The following PPP2R3A variants were observed in gnomAD, a reference collection of about 807,000 sequenced individuals.
The protein encoded by PPP2R3A is serine/threonine-protein phosphatase 2A regulatory subunit B'' subunit alpha.
In PPP2R3A, 80 loss-of-function variants were observed where a neutral mutation model predicts 106.9. The observed-to-expected ratio is 0.75, with a 90% CI of 0.62 to 0.90. The LOEUF (loss-of-function observed/expected upper bound fraction) is 0.90, where lower values mean the gene tolerates loss of function less well. Among genes scored for constraint, PPP2R3A ranks in the 40% least tolerant of loss-of-function variants. The pLI, the probability that PPP2R3A is intolerant of heterozygous loss-of-function variation, is 0.00. For synonymous variants in PPP2R3A, 483 were observed against 468.3 expected (o/e 1.03, Z -0.41); for missense variants, 1,386 against 1,350.4 (o/e 1.03, Z -0.41).
At chr3:136,049,852 G>A (rs1356749082) in intron 5 of PPP2R3A, among the ~76,000 whole-genome samples, 1 of 152,176 alleles carries the variant, frequency 6.6e-6, no homozygotes, top group Non-Finnish European at 1.5e-5. Context: ...TAAATGCTTG[G>A]TTTCCTGATT....
At chr3:136,037,444 C>T (rs1935122159) in intron 3 of PPP2R3A, among the ~76,000 whole-genome samples, 1 of 152,176 alleles carries the variant, frequency 6.6e-6, no homozygotes, top group African/African-American at 2.4e-5. Flanking sequence ...AAGGATTCAT[C>T]ATGGAGTTTT....
intron 8 of PPP2R3A, among the ~76,000 whole-genome samples, chr3:136,085,567 A>T (rs374111162): frequency 6.6e-6 from 1 of 152,008 alleles, no homozygotes; most frequent in Admixed American, 6.5e-5. Flanking sequence ...GGCATGATCC[A>T]CCACACCTGG....
intron 8 of PPP2R3A, among the ~76,000 whole-genome samples, chr3:136,086,046 C>T (rs1936918856): frequency 6.6e-6 from 1 of 151,980 alleles, no homozygotes; most frequent in South Asian, 2.1e-4. Context: ...GGGAGGATCT[C>T]CTGAACCTGG....
rs117101409 is a variant in PPP2R3A at position 136,072,404 on chromosome 3, C to T, written c.2544+1852C>T. Among the ~76,000 whole-genome samples the T allele has an allele frequency of 1.2e-4, 19 of 152,250 alleles. No individual in the cohort carries two copies. The East Asian group carries it at 2.5e-3, about 20-fold the overall frequency. On this transcript the variant is annotated intron_variant, in intron 6 of 13. Coordinates refer to ENST00000264977, the MANE Select transcript of PPP2R3A (RefSeq NM_002718.5). ...GCGAGACATTCAAGACCAGCTTGGCCAACATGGTGAAACCCCGTCTCTACT... is the reference window on the plus strand; with the variant it reads ...GCGAGACATTCAAGACCAGCTTGGCTAACATGGTGAAACCCCGTCTCTACT...
intron 3 of PPP2R3A, among the ~76,000 whole-genome samples, chr3:136,027,479 G>T (rs149222310): frequency 6.6e-6 from 1 of 152,120 alleles, no homozygotes; most frequent in African/African-American, 2.4e-5. Context: ...AGACAAGGAA[G>T]CATTAGACCA....
In PPP2R3A at chr3:136,003,458, G is replaced by A. The variant is rs1933729087; in HGVS notation, c.1960G>A (p.Ala654Thr). The A allele has an allele frequency of 1.2e-6, 2 of 1,612,862 alleles. No individual in the cohort carries two copies. Among genetic ancestry groups the A allele is most frequent in the Non-Finnish European group, 8.5e-7 (1 of 1,179,560 alleles). The change falls in exon 2 of 14, where the codon GCA becomes ACA. Residue 654 changes from alanine (A) to threonine (T), a missense_variant. Coordinates refer to ENST00000264977, the MANE Select transcript of PPP2R3A (RefSeq NM_002718.5). ...VGDKAKDTTS[A>T]VLIQQTPEVI... ...TGATAAAGCCAAAGATACTACTTCA[G>A]CAGTTTTGATTCAGCAGACTCCAGA...
chr3:136,072,291 T>C (rs1324888770), intron 6 of PPP2R3A, among the ~76,000 whole-genome samples: 2 of 152,262 alleles, frequency 1.3e-5, no homozygotes, highest in Admixed American at 1.3e-4. Flanking sequence ...CATGAAATTA[T>C]CCATGTTTAA....
intron 5 of PPP2R3A, among the ~76,000 whole-genome samples, chr3:136,064,447 G>T (rs1936194174): frequency 6.6e-6 from 1 of 151,980 alleles, no homozygotes; most frequent in Non-Finnish European, 1.5e-5. Context: ...GGGGTGCATG[G>T]GTTCTATACT....
Position 136,026,941 on chromosome 3 carries a change from A to G in PPP2R3A, c.2105A>G (p.Asn702Ser). Residue 702 changes from asparagine to serine, a missense_variant, in exon 3 of 14, where the codon AAT (asparagine) becomes AGT (serine). Coordinates refer to ENST00000264977, the MANE Select transcript of PPP2R3A (RefSeq NM_002718.5). ...SPVPHVNNVV[N>S]APLSINIPRF... The stretch of plus-strand genomic sequence containing the variant: ...GTTCCCCATGTGAATAATGTTGTGA[A>G]TGCGCCATTGTCCATAAACATTCCA... 1.2e-6 allele frequency: 2 copies of G among 1,613,670 alleles called. No homozygotes were observed. Among genetic ancestry groups the G allele is most frequent in the South Asian group, 1.1e-5 (1 of 91,064 alleles).
At chr3:136,051,490 C>T (rs1297208659) in intron 5 of PPP2R3A, among the ~76,000 whole-genome samples, 2 of 152,028 alleles carry the variant, frequency 1.3e-5, no homozygotes, top group South Asian at 2.1e-4. Context: ...CCACCACACC[C>T]GGGTAATTTT....
chr3:136,105,968 AAAAAAAG>A (rs1165470327), intron 12 of PPP2R3A, among the ~76,000 whole-genome samples: 5 of 152,162 alleles, frequency 3.3e-5, no homozygotes, highest in African/African-American at 4.8e-5. Flanking sequence ...TCAAAAAGAA[AAAAAAAG>A]AAAAAAGAAA....
intron 5 of PPP2R3A, among the ~76,000 whole-genome samples, chr3:136,058,339 G>A (rs1211421807): frequency 6.6e-6 from 1 of 152,130 alleles, no homozygotes; most frequent in African/African-American, 2.4e-5. Flanking sequence ...TACAAAATCA[G>A]TGTGTAGAAA....
At chr3:135,990,734 A>T (rs1025646174) in intron 1 of PPP2R3A, among the ~76,000 whole-genome samples, 1 of 152,124 alleles carries the variant, frequency 6.6e-6, no homozygotes, top group African/African-American at 2.4e-5. Context: ...AGCTGCCTTC[A>T]TTTATAGCCT....
chr3:135,991,572 C>T (rs1425261768), intron 1 of PPP2R3A, among the ~76,000 whole-genome samples: 2 of 149,054 alleles, frequency 1.3e-5, no homozygotes, highest in African/African-American at 5.2e-5. Flanking sequence ...GCCTATTCAT[C>T]ATACTTCCCA....
chr3:136,043,474 A>G lies in PPP2R3A; in HGVS notation c.2366+2512A>G, dbSNP rs189946089. Among the ~76,000 whole-genome samples the G allele has an allele frequency of 1.3e-3, 194 of 152,208 alleles. 1 individual carries two copies. The highest frequency in any genetic ancestry group is 1.8e-4 in the Non-Finnish European group (12 of 68,004). ...ACTCCATCTCAAAAAAAAACAGAAT[A>G]TAGGGAAATAATTTCTCTCATGTCA... On this transcript the variant is annotated intron_variant, in intron 4 of 13. Transcript: ENST00000264977.
intron 13 of PPP2R3A, among the ~76,000 whole-genome samples, chr3:136,134,479 A>T (rs1260235507): frequency 6.6e-6 from 1 of 152,244 alleles, no homozygotes; most frequent in African/African-American, 2.4e-5. Context: ...TAAATAAGTC[A>T]TGGTATCTGT....
chr3:136,053,061 T>C (rs55873361), intron 5 of PPP2R3A, among the ~76,000 whole-genome samples: 49,998 of 152,044 alleles, frequency 0.33, 8,830 homozygotes, highest in African/African-American at 0.46. Context: ...TTCTCACTTA[T>C]AAGTGGGAGC....
intron 5 of PPP2R3A, among the ~76,000 whole-genome samples, chr3:136,070,177 C>T (rs969194710): frequency 1.2e-4 from 18 of 152,154 alleles, no homozygotes; most frequent in African/African-American, 4.1e-4. Context: ...GATGAATTGC[C>T]TTGATGTGCT....
chr3:136,145,035 T>A lies in PPP2R3A; in HGVS notation c.3330-8T>A. ...ATCAGTTAATTCACTTTTGCTTTGT[T>A]ATTTCAGCTTTGAAGATTATGAAAC... On this transcript the variant is annotated splice_polypyrimidine_tract_variant and splice_region_variant and intron_variant, in intron 13 of 13. Coordinates refer to ENST00000264977, the MANE Select transcript of PPP2R3A (RefSeq NM_002718.5). The A allele has an allele frequency of 6.2e-7, 1 of 1,603,162 alleles. No individual in the cohort carries two copies. Among genetic ancestry groups the A allele is most frequent in the Non-Finnish European group, 8.5e-7 (1 of 1,175,852 alleles).
Sources: allele counts gnomAD v4.1 joint callset (sites outside exome capture counted in the v4.1 genomes callset), GRCh38; gene constraint gnomAD v4.1.1; transcripts MANE v1.5; gene names NCBI Gene and HGNC (gene_info 2026-07-23, HGNC 2026-07-21).